TXLNG: variants seen among roughly 807,000 people sequenced by gnomAD.
The protein encoded by TXLNG is taxilin gamma.
In TXLNG, 5 loss-of-function variants were observed where a neutral mutation model predicts 38.8. The observed-to-expected ratio is 0.13, with a 90% confidence interval of 0.07 to 0.27. The LOEUF is 0.27. Ranked by LOEUF, TXLNG falls within the 10% of genes least tolerant of loss-of-function variation. The pLI, the probability that TXLNG is intolerant of heterozygous loss-of-function variation, is 1.00. For missense variants in TXLNG, 393 were observed against 398.2 expected (o/e 0.99, Z 0.11); for synonymous variants, 182 against 158.2 (o/e 1.15, Z -1.13).
intron 1 of TXLNG, among the ~76,000 whole-genome samples, chrX:16,788,075 C>G (rs1400294461): frequency 8.9e-6 from 1 of 112,205 alleles, no homozygotes; most frequent in African/African-American, 3.2e-5. Flanking sequence ...GACCAATGTC[C>G]TGTAAGGGAT....
chrX:16,802,115 G>C (rs1211170597), intron 1 of TXLNG, among the ~76,000 whole-genome samples: 2 of 100,336 alleles, frequency 2.0e-5, no homozygotes, highest in African/African-American at 7.4e-5. Flanking sequence ...CACCACGCCT[G>C]GCTAATTTTT....
At chrX:16,839,131 T>C (rs1929704035) in intron 8 of TXLNG, among the ~76,000 whole-genome samples, 2 of 111,885 alleles carry the variant, frequency 1.8e-5, no homozygotes, top group African/African-American at 6.5e-5. Context: ...TTTCTGAAAA[T>C]TGTGTTCTGG....
At chrX:16,811,643 C>T (rs1448363368) in intron 1 of TXLNG, among the ~76,000 whole-genome samples, 10 of 106,041 alleles carry the variant, frequency 9.4e-5, no homozygotes, top group Non-Finnish European at 1.4e-4. Context: ...CCACCGTGGC[C>T]GGCTTTTTTT....
rs1027592669 is a variant in TXLNG at position 16,843,685 on chromosome X, G to A, written c.*1919G>A. On this transcript the variant is annotated 3_prime_UTR_variant, in exon 10 of 10. Coordinates refer to ENST00000380122, the MANE Select transcript of TXLNG (RefSeq NM_018360.3). ...GTAGCCCACCACGTTTCTTTGTGGTGCTTGTCCTGTGTGGAAGATTGTAAA... is the reference window on the plus strand; with the variant it reads ...GTAGCCCACCACGTTTCTTTGTGGTACTTGTCCTGTGTGGAAGATTGTAAA... 1 of 112,160 alleles carries A rather than the reference G, an allele frequency of 8.9e-6. No homozygotes were observed. The highest frequency in any genetic ancestry group is 1.9e-5 in the Non-Finnish European group (1 of 53,273). 9.2% of individuals were successfully genotyped at this position (112,160 alleles called of 1,213,427 possible).
intron 1 of TXLNG, among the ~76,000 whole-genome samples, chrX:16,793,625 A>G (rs1047693447): frequency 9.0e-6 from 1 of 110,638 alleles, no homozygotes; most frequent in Non-Finnish European, 1.9e-5. Context: ...AAAAGTGAGA[A>G]TGAATGCATT....
At chrX:16,820,767 A>G (rs1928908382) in intron 3 of TXLNG, among the ~76,000 whole-genome samples, 1 of 111,968 alleles carries the variant, frequency 8.9e-6, no homozygotes. Flanking sequence ...TCTCAGCTAT[A>G]TTATTTTATT....
At chrX:16,799,290 G>C (rs1927995540) in intron 1 of TXLNG, among the ~76,000 whole-genome samples, 1 of 111,297 alleles carries the variant, frequency 9.0e-6, no homozygotes, top group Non-Finnish European at 1.9e-5. Flanking sequence ...CTTAGCTTTA[G>C]ATGTGGTTCT....
intron 9 of TXLNG, 98 bp downstream of exon 9, chrX:16,840,014 T>C (rs779371844): frequency 1.6e-4 from 105 of 638,972 alleles, no homozygotes; most frequent in Non-Finnish European, 2.1e-4. Flanking sequence ...GTAACACTAC[T>C]ACCATAGTTG....
intron 7 of TXLNG, among the ~76,000 whole-genome samples, chrX:16,836,945 G>A (rs1929616008): frequency 9.0e-6 from 1 of 111,165 alleles, no homozygotes; most frequent in Admixed American, 9.6e-5. Context: ...TAAGTATCCT[G>A]AGCCTCAGTG....
At chrX:16,796,414 C>T (rs1254394316) in intron 1 of TXLNG, among the ~76,000 whole-genome samples, 3 of 111,683 alleles carry the variant, frequency 2.7e-5, no homozygotes, top group Non-Finnish European at 3.8e-5. Flanking sequence ...GGTTCCTGAC[C>T]GTGGACATCG....
At chrX:16,790,506 C>G (rs142091321) in intron 1 of TXLNG, among the ~76,000 whole-genome samples, 1,810 of 111,384 alleles carry the variant, frequency 0.016, 20 homozygotes, top group Non-Finnish European at 0.026. Context: ...CTGGCCTGAT[C>G]TTTTTACTGT....
intron 5 of TXLNG, among the ~76,000 whole-genome samples, chrX:16,830,875 G>GTT (rs1467765673): frequency 8.3e-5 from 8 of 96,773 alleles, no homozygotes; most frequent in Non-Finnish European, 1.7e-4. Context: ...GTGTGTGTGT[G>GTT]TGTGTGTGTG....
At chrX:16,821,851 T>G (rs779109532) in intron 3 of TXLNG, among the ~76,000 whole-genome samples, 33 of 103,586 alleles carry the variant, frequency 3.2e-4, no homozygotes, top group East Asian at 9.4e-4. Context: ...AAAATTAGCC[T>G]GGCATGGTGG....
rs766394232 is a variant in TXLNG at position 16,834,407 on chromosome X, C to T, written c.1059+50C>T. The T allele has an allele frequency of 1.5e-5, 16 of 1,069,914 alleles. No individual in the cohort carries two copies. In the South Asian group the frequency reaches 3.4e-4, roughly 23 times the overall value. The allele number at this position is 1,069,914 out of a possible 1,213,427, so 88.2% of individuals were successfully genotyped here. A position where few individuals can be genotyped will look rare whatever the true frequency, so the allele number is the denominator to read the frequency against. On this transcript the variant is annotated intron_variant, in intron 7 of 9. Transcript: ENST00000380122. ...CAATTTGTAAGAAAAATCTGTGGTTCCTTTGATTCTGCATATCTTCAATCT... is the reference window on the plus strand; with the variant it reads ...CAATTTGTAAGAAAAATCTGTGGTTTCTTTGATTCTGCATATCTTCAATCT...
In TXLNG at chrX:16,841,620, A is replaced by C; in HGVS notation, c.1441A>C (p.Thr481Pro). ...DLATPVMQPC[T>P]ALDSHKELNT... ...AGCAACACCTGTGATGCAGCCCTGT[A>C]CTGCCCTGGATTCTCACAAGGAGCT... is the stretch of plus-strand genomic sequence containing the variant. The change falls in exon 10 of 10, where the codon ACT (threonine) becomes CCT (proline). Residue 481 changes from threonine (T) to proline (P), a missense_variant. Physicochemically the swap from Thr to Pro is conservative, Grantham distance 38. Transcript: ENST00000380122. 1 of 1,211,643 alleles carries C rather than the reference A, an allele frequency of 8.3e-7. No individual in the cohort carries two copies. Among genetic ancestry groups the C allele is most frequent in the Non-Finnish European group, 1.1e-6 (1 of 895,531 alleles).
chrX:16,825,220 T>C (rs1385461785), intron 3 of TXLNG, among the ~76,000 whole-genome samples: 1 of 112,339 alleles, frequency 8.9e-6, no homozygotes, highest in Non-Finnish European at 1.9e-5. Context: ...ATTTTACGTC[T>C]ATTGTAGTGG....
Position 16,799,965 on chromosome X carries a change from G to A in TXLNG, c.102+13376G>A, listed in dbSNP as rs767434052. Among the ~76,000 whole-genome samples the A allele has an allele frequency of 1.2e-4, 13 of 109,516 alleles. No homozygotes were observed. In the South Asian group the frequency reaches 5.1e-3, roughly 43 times the overall value. ...ATCATCAAATCTTTTTTTTTGAGAT[G>A]GAGTCTCACTCTAGCCCAGGCTGGA... On this transcript the variant is annotated intron_variant, in intron 1 of 9. Coordinates refer to ENST00000380122, the MANE Select transcript of TXLNG (RefSeq NM_018360.3).
At chrX:16,796,902 C>G (rs1481319087) in intron 1 of TXLNG, among the ~76,000 whole-genome samples, 2 of 111,217 alleles carry the variant, frequency 1.8e-5, no homozygotes, top group Non-Finnish European at 3.8e-5. Context: ...ATTGACAGTC[C>G]CAAGGAGCTT....
chrX:16,798,688 C>G (rs1927972721), intron 1 of TXLNG, among the ~76,000 whole-genome samples: 1 of 109,790 alleles, frequency 9.1e-6, no homozygotes, highest in Admixed American at 9.8e-5. Context: ...TAGGCTCAAG[C>G]AAGCCTCCTG....
Sources: allele counts gnomAD v4.1 joint callset (sites outside exome capture counted in the v4.1 genomes callset), GRCh38; gene constraint gnomAD v4.1.1; transcripts MANE v1.5; gene names NCBI Gene and HGNC (gene_info 2026-07-23, HGNC 2026-07-21).